BTG4: variants seen among roughly 807,000 people sequenced by gnomAD.
BTG4 encodes BTG anti-proliferation factor 4, also known as protein BTG4.
Under a neutral mutation model 19.3 loss-of-function variants are expected in BTG4, and 10 were observed. That is an observed-to-expected ratio of 0.52 (90% CI 0.32 to 0.88). The LOEUF is 0.88. Ranked by LOEUF, BTG4 falls within the 40% of genes least tolerant of loss-of-function variation. The pLI is 0.04. For missense variants in BTG4, 238 were observed against 281.9 expected (o/e 0.84, Z 1.11); for synonymous variants, 91 against 95.7 (o/e 0.95, Z 0.29).
intron 2 of BTG4, 91 bp from the exon 3 acceptor site, chr11:111,498,226 C>A: frequency 7.1e-7 from 1 of 1,413,764 alleles, no homozygotes; most frequent in Non-Finnish European, 9.8e-7. Context: ...ATACACATAG[C>A]TCCCACCTCA....
At chr11:111,420,118 C>T in the BTG4 span, among the ~76,000 whole-genome samples, 1 of 152,234 alleles carries the variant, frequency 6.6e-6, no homozygotes, top group African/African-American at 2.4e-5. Flanking sequence ...GTCCAGTTCT[C>T]TCGGCAAAGG....
At chr11:111,465,763 C>A (rs149599254), downstream of BTG4, among the ~76,000 whole-genome samples, 1 of 152,218 alleles carries the variant, frequency 6.6e-6, no homozygotes, top group East Asian at 1.9e-4. Context: ...CTTTTCTGGA[C>A]CAGAGAAGCA....
At chr11:111,404,035 G>A in the BTG4 span, among the ~76,000 whole-genome samples, 1 of 152,146 alleles carries the variant, frequency 6.6e-6, no homozygotes, top group Admixed American at 6.5e-5. Context: ...CATGTCTTGT[G>A]GGAGGGGACC....
chr11:111,431,885 C>T, the BTG4 span, among the ~76,000 whole-genome samples: 6 of 152,200 alleles, frequency 3.9e-5, no homozygotes, highest in African/African-American at 1.2e-4. Flanking sequence ...GTAGTAGATG[C>T]TGTCACGATG....
At chr11:111,401,862 GTGAATGAA>G in the BTG4 span, among the ~76,000 whole-genome samples, 2 of 152,150 alleles carry the variant, frequency 1.3e-5, no homozygotes, top group African/African-American at 4.8e-5. Flanking sequence ...TATGTGTTGA[GTGAATGAA>G]TGAATGAATG....
downstream of BTG4, among the ~76,000 whole-genome samples, chr11:111,494,226 A>G (rs1415487027): frequency 6.6e-6 from 1 of 152,184 alleles, no homozygotes; most frequent in Admixed American, 6.5e-5. Flanking sequence ...AGGGTGGAGT[A>G]AAAAGAGATT....
chr11:111,424,886 G>A, the BTG4 span, among the ~76,000 whole-genome samples: 1 of 152,138 alleles, frequency 6.6e-6, no homozygotes, highest in Non-Finnish European at 1.5e-5. Flanking sequence ...TGCAACCTGG[G>A]AGATAGAGAT....
chr11:111,408,412 G>A, the BTG4 span, among the ~76,000 whole-genome samples: 2 of 152,180 alleles, frequency 1.3e-5, no homozygotes, highest in African/African-American at 2.4e-5. Context: ...GGGAATGAGT[G>A]GACGAGCAGA....
At chr11:111,385,020 A>G in the BTG4 span, 5 of 152,126 alleles carry the variant, frequency 3.3e-5, no homozygotes, top group Non-Finnish European at 7.4e-5. Context: ...TCTGAAGGAC[A>G]AATAAACATA....
downstream of BTG4, chr11:111,466,944 T>TC (rs1863755331): frequency 6.6e-6 from 1 of 152,612 alleles, no homozygotes; most frequent in Non-Finnish European, 1.5e-5. Context: ...GCCTAGAAGG[T>TC]CAGGGTAGCC....
the BTG4 span, among the ~76,000 whole-genome samples, chr11:111,413,403 CT>C: frequency 1.3e-5 from 2 of 152,254 alleles, no homozygotes; most frequent in Non-Finnish European, 2.9e-5. Flanking sequence ...AGAAGCACTG[CT>C]TTGGCATGGG....
At chr11:111,507,128 A>G (rs1866511690) in intron 1 of BTG4, among the ~76,000 whole-genome samples, 1 of 152,072 alleles carries the variant, frequency 6.6e-6, no homozygotes, top group Non-Finnish European at 1.5e-5. Flanking sequence ...AACAAGAATA[A>G]GCAGACACAG....
the BTG4 span, among the ~76,000 whole-genome samples, chr11:111,402,287 C>T: frequency 3.3e-5 from 5 of 152,174 alleles, no homozygotes; most frequent in African/African-American, 1.2e-4. Context: ...GTCAATTAAA[C>T]ATCTTTCCTT....
At chr11:111,500,227 G>A (rs1409288327) in intron 1 of BTG4, among the ~76,000 whole-genome samples, 2 of 152,104 alleles carry the variant, frequency 1.3e-5, no homozygotes, top group Non-Finnish European at 2.9e-5. Context: ...TCAAGGTAAG[G>A]CCTGGCAATC....
chr11:111,505,282 G>A (rs1186272824), intron 1 of BTG4, among the ~76,000 whole-genome samples: 1 of 151,834 alleles, frequency 6.6e-6, no homozygotes, highest in East Asian at 1.9e-4. Flanking sequence ...GAGATTAATG[G>A]TACAGTATGG....
chr11:111,445,979 C>A, the BTG4 span, among the ~76,000 whole-genome samples: 1 of 152,140 alleles, frequency 6.6e-6, no homozygotes, highest in Non-Finnish European at 1.5e-5. Flanking sequence ...TAAGAAGTTA[C>A]CTTTGAGATG....
the BTG4 span, among the ~76,000 whole-genome samples, chr11:111,458,757 T>C: frequency 6.6e-6 from 1 of 152,044 alleles, no homozygotes; most frequent in Non-Finnish European, 1.5e-5. Context: ...GGCATCTTCC[T>C]GGAGTTAATC....
intron 1 of BTG4, among the ~76,000 whole-genome samples, chr11:111,500,865 A>T (rs981299791): frequency 1.3e-5 from 2 of 152,112 alleles, no homozygotes. Context: ...TTTTTCATTA[A>T]TGCTATCATT....
the BTG4 span, among the ~76,000 whole-genome samples, chr11:111,404,059 T>C: frequency 2.6e-5 from 4 of 152,158 alleles, no homozygotes; most frequent in African/African-American, 4.8e-5. Context: ...TGGGAGGTAA[T>C]TGAATCATGG....
Sources: gnomAD v4.1 joint callset for allele counts (sites outside exome capture counted in the v4.1 genomes callset) on GRCh38, gnomAD v4.1.1 for gene constraint, MANE v1.5 for transcripts, NCBI Gene and HGNC (gene_info 2026-07-23, HGNC 2026-07-21) for gene names.